SLC35F3: variants seen among roughly 807,000 people sequenced by gnomAD.
SLC35F3 encodes the protein putative thiamine transporter SLC35F3.
In SLC35F3, 25 loss-of-function variants were observed where a neutral mutation model predicts 49.9. The ratio of observed to expected loss-of-function variants is 0.50; its 90% CI spans 0.37 to 0.70. SLC35F3 has a LOEUF of 0.70. SLC35F3 is among the 30% of genes least tolerant of loss of function. The pLI is 0.00. For synonymous variants in SLC35F3, 275 were observed against 265.4 expected (o/e 1.04, Z -0.35); for missense variants, 525 against 639.8 (o/e 0.82, Z 1.94).
In SLC35F3 at chr1:233,957,486, C is replaced by G. The variant is rs1662723943; in HGVS notation, c.283+51728C>G. On this transcript the variant is annotated intron_variant, in intron 2 of 7. Coordinates refer to ENST00000366618, the MANE Select transcript of SLC35F3 (RefSeq NM_173508.4). The surrounding 1 kb of genome is among the most constrained non-coding windows in gnomAD (Gnocchi z 4.0). ...TGTTTTCTGAATGTTTCAGTTGGCT[C>G]TAGCTCCATAATTACATCAAAATTT... Among the ~76,000 whole-genome samples the G allele has an allele frequency of 1.3e-5, 2 of 152,174 alleles. No individual in the cohort carries two copies. Among genetic ancestry groups the G allele is most frequent in the African/African-American group, 4.8e-5 (2 of 41,440 alleles).
chr1:234,197,942 G>C (rs1666840107), intron 2 of SLC35F3, among the ~76,000 whole-genome samples: 1 of 152,302 alleles, frequency 6.6e-6, no homozygotes, highest in South Asian at 2.1e-4. Context: ...GATCAAATAG[G>C]TTTATTCCTC....
intron 2 of SLC35F3, among the ~76,000 whole-genome samples, chr1:234,066,625 C>T (rs1664621399): frequency 6.6e-6 from 1 of 152,018 alleles, no homozygotes; most frequent in African/African-American, 2.4e-5. Context: ...CTTCTCCTTC[C>T]CAAAGATAAA....
intron 2 of SLC35F3, among the ~76,000 whole-genome samples, chr1:234,166,482 C>T (rs1166771769): frequency 6.6e-6 from 1 of 152,148 alleles, no homozygotes; most frequent in Non-Finnish European, 1.5e-5. Context: ...CCACTATCAC[C>T]TCTCACCCTT....
chr1:234,273,201 CATT>C (rs1326075115), intron 3 of SLC35F3, among the ~76,000 whole-genome samples: 2 of 152,242 alleles, frequency 1.3e-5, no homozygotes, highest in African/African-American at 4.8e-5. Context: ...CGATTTGAAT[CATT>C]ATTTCCAAAC....
chr1:233,986,336 A>G (rs1052031870), intron 2 of SLC35F3, among the ~76,000 whole-genome samples: 1 of 152,154 alleles, frequency 6.6e-6, no homozygotes, highest in African/African-American at 2.4e-5. Context: ...TGAGGCTGCC[A>G]CATTCAACTC....
chr1:233,974,704 CAT>C (rs1663051638), intron 2 of SLC35F3, among the ~76,000 whole-genome samples: 2 of 152,172 alleles, frequency 1.3e-5, no homozygotes, highest in Non-Finnish European at 2.9e-5. Context: ...TCTCCACAAA[CAT>C]GTCAGTGACA....
At chr1:234,243,568 T>C (rs1418918262) in intron 3 of SLC35F3, among the ~76,000 whole-genome samples, 1 of 152,208 alleles carries the variant, frequency 6.6e-6, no homozygotes, top group Non-Finnish European at 1.5e-5. Context: ...ACGTGCATTT[T>C]GCAGAATCCT....
intron 2 of SLC35F3, among the ~76,000 whole-genome samples, chr1:234,045,326 A>G (rs1483951354): frequency 6.6e-6 from 1 of 152,180 alleles, no homozygotes; most frequent in Non-Finnish European, 1.5e-5. Context: ...CTTAGTTAAC[A>G]TTTCCAATAT....
chr1:233,961,245 AGG>A (rs1001552084), intron 2 of SLC35F3, among the ~76,000 whole-genome samples: 6 of 152,018 alleles, frequency 3.9e-5, no homozygotes, highest in African/African-American at 1.4e-4. Flanking sequence ...AAACCTGTGA[AGG>A]CACTCTCTGT....
intron 3 of SLC35F3, among the ~76,000 whole-genome samples, chr1:234,240,978 G>A (rs1466109467): frequency 1.3e-5 from 2 of 152,218 alleles, no homozygotes; most frequent in Non-Finnish European, 2.9e-5. Flanking sequence ...GAAATGTGAG[G>A]TGATCCATTT....
At chr1:234,242,997 T>C (rs1667577239) in intron 3 of SLC35F3, among the ~76,000 whole-genome samples, 1 of 152,156 alleles carries the variant, frequency 6.6e-6, no homozygotes, top group African/African-American at 2.4e-5. Context: ...CTTATCAGTA[T>C]TTTACTATGA....
At chr1:233,953,015 G>A (rs1180362185) in intron 2 of SLC35F3, among the ~76,000 whole-genome samples, 1 of 152,112 alleles carries the variant, frequency 6.6e-6, no homozygotes, top group Non-Finnish European at 1.5e-5. Context: ...TGAGAGATGG[G>A]TAGCCATTAC....
At chr1:234,133,614 A>G (rs1238351997) in intron 2 of SLC35F3, among the ~76,000 whole-genome samples, 2 of 152,208 alleles carry the variant, frequency 1.3e-5, no homozygotes, top group East Asian at 3.8e-4. Flanking sequence ...TGGCCCAGAT[A>G]ATCAAGAGTT....
At chr1:234,158,640 A>T (rs980286310) in intron 2 of SLC35F3, among the ~76,000 whole-genome samples, 1 of 152,198 alleles carries the variant, frequency 6.6e-6, no homozygotes, top group Non-Finnish European at 1.5e-5. Context: ...TGTTATAAAC[A>T]TTCTTCTGGT....
chr1:234,080,421 A>G (rs1013113010), intron 2 of SLC35F3, among the ~76,000 whole-genome samples: 45 of 152,358 alleles, frequency 3.0e-4, no homozygotes, highest in African/African-American at 1.1e-3. Flanking sequence ...TATTCACACA[A>G]AAACATGCAT....
At chr1:234,017,346 G>T (rs1217008429) in intron 2 of SLC35F3, among the ~76,000 whole-genome samples, 4 of 152,156 alleles carry the variant, frequency 2.6e-5, no homozygotes, top group African/African-American at 9.7e-5. Flanking sequence ...GACAAGGTTA[G>T]GTTCCTGTGA....
At chr1:234,119,572 G>T (rs1467318074) in intron 2 of SLC35F3, among the ~76,000 whole-genome samples, 2 of 152,160 alleles carry the variant, frequency 1.3e-5, no homozygotes, top group African/African-American at 4.8e-5. Context: ...TGAGCTGAAA[G>T]GAAAACGAAG....
chr1:234,174,324 G>T (rs548513888), intron 2 of SLC35F3, among the ~76,000 whole-genome samples: 1 of 152,294 alleles, frequency 6.6e-6, no homozygotes, highest in African/African-American at 2.4e-5. Context: ...CTTCACTCCA[G>T]CCTTCCATCT....
chr1:234,045,399 T>G (rs1664274880), intron 2 of SLC35F3, among the ~76,000 whole-genome samples: 1 of 152,188 alleles, frequency 6.6e-6, no homozygotes. Context: ...AGCTATGTGA[T>G]CTTTATATAG....
Sources: allele counts gnomAD v4.1 joint callset (sites outside exome capture counted in the v4.1 genomes callset), GRCh38; gene constraint gnomAD v4.1.1; non-coding constraint Gnocchi (gnomAD v3.1); transcripts MANE v1.5; gene names NCBI Gene and HGNC (gene_info 2026-07-23, HGNC 2026-07-21).